The following NUP214 variants were observed in gnomAD, a reference collection of about 807,000 sequenced individuals.
The protein encoded by NUP214 is nuclear pore complex protein Nup214.
Under a neutral mutation model 196.2 loss-of-function variants are expected in NUP214, and 79 were observed. That is an observed-to-expected ratio of 0.40 (90% CI 0.34 to 0.49). NUP214 has a LOEUF of 0.49. NUP214 is among the 20% of genes least tolerant of loss of function. NUP214 has a pLI of 0.58. For missense variants in NUP214, 2,468 were observed against 2,539.0 expected (o/e 0.97, Z 0.60); for synonymous variants, 1,020 against 990.5 (o/e 1.03, Z -0.56).
At position 131,130,143 on chromosome 9, in the gene NUP214, TTTTTTTTG is replaced by T. The variant is rs1458325252; in HGVS notation, c.593-615_593-608del. Among the ~76,000 whole-genome samples, 21 of 106,074 alleles carry T rather than the reference TTTTTTTTG, an allele frequency of 2.0e-4. 2 individuals carry two copies. The highest frequency in any genetic ancestry group is 4.3e-4 in the African/African-American group (12 of 28,210). 69.6% of individuals were successfully genotyped at this position (106,074 alleles called of 152,430 possible). ...GAGAATGATTTCTGGTTTTGTTTTT[TTTTTTTTG>T]TTTTTTTTTTGAGACAGAGTCTTGC... On this transcript the variant is annotated intron_variant, in intron 4 of 35. Transcript: ENST00000359428.
chr9:131,157,036 G>GA (rs1832471967), intron 17 of NUP214, among the ~76,000 whole-genome samples: 1 of 151,990 alleles, frequency 6.6e-6, no homozygotes, highest in South Asian at 2.1e-4. Flanking sequence ...TCACAGGCAT[G>GA]ATTATGGTGC....
chr9:131,222,616 A>C, intron 31 of NUP214, 162 bp from the exon 32 acceptor site: 2 of 672,524 alleles, frequency 3.0e-6, no homozygotes, highest in Non-Finnish European at 4.8e-6. Flanking sequence ...TGAAAATCAG[A>C]GAAAGTACCT....
At chr9:131,173,357 T>A (rs1833012188) in intron 21 of NUP214, among the ~76,000 whole-genome samples, 1 of 15,156 alleles carries the variant, frequency 6.6e-5, no homozygotes, top group Non-Finnish European at 1.7e-4. Flanking sequence ...CACCCAGCCT[T>A]TTTTTTTTTT....
In NUP214 at chr9:131,132,624, G is replaced by A. The variant is rs367831865; in HGVS notation, c.692G>A (p.Cys231Tyr). 2.5e-6 allele frequency: 4 copies of A among 1,613,918 alleles called. No individual in the cohort carries two copies. Among genetic ancestry groups the A allele is most frequent in the African/African-American group, 1.3e-5 (1 of 74,890 alleles). ...PTLQEKKVIP[C>Y]PPFYESDHPV... ...TTGCAGGAAAAAAAAGTCATTCCTT[G>A]TCCTCCGTTTTATGAGTCAGATCAT... The change falls in exon 6 of 36, where the codon TGT (cysteine) becomes TAT (tyrosine). Residue 231 changes from cysteine (C) to tyrosine (Y), a missense_variant. This residue lies in a region of NUP214 where 392 missense variants were observed against 417.9 expected (regional missense o/e 0.94). Coordinates refer to ENST00000359428, the MANE Select transcript of NUP214 (RefSeq NM_005085.4).
chr9:131,136,514 G>A (rs558708140), intron 9 of NUP214: 15 of 153,210 alleles, frequency 9.8e-5, no homozygotes, highest in African/African-American at 3.6e-4. Flanking sequence ...ACCTCCAACT[G>A]GAGTATGCCT....
At chr9:131,214,495 C>T (rs111233703) in intron 30 of NUP214, among the ~76,000 whole-genome samples, 26 of 152,142 alleles carry the variant, frequency 1.7e-4, no homozygotes, top group Non-Finnish European at 3.5e-4. Flanking sequence ...CATTCTCAGC[C>T]ACGGAGAGAT....
Position 131,197,854 on chromosome 9 carries a change from G to C in NUP214, c.4360G>C (p.Ala1454Pro). 1 of 1,613,218 alleles carries C rather than the reference G, an allele frequency of 6.2e-7. No homozygotes were observed. The highest frequency in any genetic ancestry group is 8.5e-7 in the Non-Finnish European group (1 of 1,179,996). Residue 1454 changes from alanine (A) to proline (P), a missense_variant, in exon 29 of 36, where the codon GCC becomes CCC. This residue lies in a region of NUP214 where 1,801 missense variants were observed against 1,779.4 expected (regional missense o/e 1.01). Transcript: ENST00000359428. Reference sequence around the variant, plus strand: ...GACCAATAGCACAGTGCCCCCATCTGCCCCACCACCAACTACAGCTGCCAC... The same window carrying C: ...GACCAATAGCACAGTGCCCCCATCTCCCCCACCACCAACTACAGCTGCCAC... Reference protein sequence around the residue: ...QQTNSTVPPSAPPPTTAATPL... With the variant: ...QQTNSTVPPSPPPPTTAATPL...
rs1353756939 is a variant in NUP214 at position 131,198,716 on chromosome 9, G to C, written c.5222G>C (p.Ser1741Thr). Residue 1741 changes from serine to threonine, a missense_variant, in exon 29 of 36, where the codon AGT becomes ACT. Physicochemically the swap from Ser to Thr is moderately conservative, Grantham distance 58. Coordinates refer to ENST00000359428, the MANE Select transcript of NUP214 (RefSeq NM_005085.4). ...VFGQSASSAA[S>T]VFSFSQPGFS... ...GGGCAGTCGGCGAGCAGTGCTGCAA[G>C]TGTCTTTTCCTTCAGTCAGCCTGGG... The C allele has an allele frequency of 1.2e-6, 2 of 1,614,112 alleles. No individual in the cohort carries two copies. The highest frequency in any genetic ancestry group is 2.7e-5 in the African/African-American group (2 of 74,942).
chr9:131,139,512 C>T (rs1310496591), intron 10 of NUP214, 105 bp downstream of exon 10: 3 of 1,490,110 alleles, frequency 2.0e-6, no homozygotes, highest in Non-Finnish European at 2.7e-6. Flanking sequence ...CTGCTGGGCA[C>T]TTGTAGCTTC....
intron 30 of NUP214, among the ~76,000 whole-genome samples, chr9:131,206,578 G>T (rs1420330665): frequency 6.6e-6 from 1 of 151,848 alleles, no homozygotes; most frequent in Non-Finnish European, 1.5e-5. Context: ...AGAATAGCTA[G>T]GTCCACAGGT....
intron 28 of NUP214, 108 bp from the exon 29 acceptor site, chr9:131,197,106 ACT>A (rs1475554069): frequency 1.3e-5 from 19 of 1,458,646 alleles, no homozygotes; most frequent in Non-Finnish European, 1.7e-5. Flanking sequence ...AGGCACCCTG[ACT>A]CTGTAGAGGG....
intron 23 of NUP214, among the ~76,000 whole-genome samples, chr9:131,177,726 T>C (rs983884615): frequency 6.6e-6 from 1 of 152,188 alleles, no homozygotes; most frequent in Admixed American, 6.5e-5. Context: ...TTTACAATTA[T>C]AAGACGAAAG....
At position 131,144,583 on chromosome 9, in the gene NUP214, C is replaced by G; in HGVS notation, c.1598C>G (p.Thr533Ser). ...VPPSKASLAP[T>S]PAASPVAPSA... ...CCTTCTAAAGCCTCCCTAGCCCCCA[C>G]CCCTGCAGCGTCTCCTGTGGCTCCA... The change falls in exon 12 of 36, where the codon ACC becomes AGC. Residue 533 changes from threonine to serine, a missense_variant. Physicochemically the swap from Thr to Ser is moderately conservative, Grantham distance 58 (BLOSUM62 1). Transcript: ENST00000359428. 6.2e-7 allele frequency: 1 copy of G among 1,614,174 alleles called. No individual in the cohort carries two copies. The highest frequency in any genetic ancestry group is 8.5e-7 in the Non-Finnish European group (1 of 1,180,024).
intron 24 of NUP214, among the ~76,000 whole-genome samples, chr9:131,184,026 C>CTTTTTTTTT (rs776765956): frequency 6.5e-4 from 68 of 104,378 alleles, no homozygotes; most frequent in Non-Finnish European, 9.7e-4. Context: ...TTTTCTTTTT[C>CTTTTTTTTT]TTTTTTTTTT....
chr9:131,211,711 C>G (rs544902162), intron 30 of NUP214, among the ~76,000 whole-genome samples: 1 of 152,368 alleles, frequency 6.6e-6, no homozygotes, highest in South Asian at 2.1e-4. Context: ...GGACGTTTAT[C>G]ACTTCCCTGA....
chr9:131,209,005 T>G (rs1834161577), intron 30 of NUP214, among the ~76,000 whole-genome samples: 3 of 151,910 alleles, frequency 2.0e-5, no homozygotes, highest in Admixed American at 6.6e-5. Flanking sequence ...AGAGTGAGAC[T>G]CCATCTCAAA....
chr9:131,127,378 A>G (rs1225894596), intron 1 of NUP214, 146 bp from the exon 2 acceptor site: 8 of 629,082 alleles, frequency 1.3e-5, no homozygotes, highest in Non-Finnish European at 2.1e-5. Context: ...GCGAGACTCC[A>G]TCTCAAAAAA....
intron 9 of NUP214, among the ~76,000 whole-genome samples, chr9:131,138,184 C>T (rs553929068): frequency 1.3e-5 from 2 of 151,058 alleles, no homozygotes; most frequent in Admixed American, 1.3e-4. Context: ...TTTCCTTCTC[C>T]TTCCTTTTCC....
intron 18 of NUP214, 135 bp downstream of exon 18, chr9:131,159,621 G>A (rs1832568114): frequency 5.6e-6 from 4 of 715,608 alleles, no homozygotes; most frequent in Admixed American, 5.0e-5. Context: ...ACTTTGGCAG[G>A]CCGAGGCGAG....
Sources: allele counts gnomAD v4.1 joint callset (sites outside exome capture counted in the v4.1 genomes callset), GRCh38; gene constraint gnomAD v4.1.1; regional missense constraint gnomAD v4.1.1; transcripts MANE v1.5; gene names NCBI Gene and HGNC (gene_info 2026-07-23, HGNC 2026-07-21).